The following KATNIP variants were observed in gnomAD, a reference collection of about 807,000 sequenced individuals.
The protein encoded by KATNIP is katanin-interacting protein.
Under a neutral mutation model 174.0 loss-of-function variants are expected in KATNIP, and 126 were observed. The ratio of observed to expected loss-of-function variants is 0.72; its 90% confidence interval spans 0.63 to 0.84. KATNIP has a LOEUF of 0.84. Among genes scored for constraint, KATNIP ranks in the 40% least tolerant of loss-of-function variants. KATNIP has a pLI of 0.00. For synonymous variants in KATNIP, 810 were observed against 835.7 expected (o/e 0.97, Z 0.53); for missense variants, 1,958 against 2,109.7 (o/e 0.93, Z 1.41).
At chr16:27,734,195 G>T (rs912916608) in intron 14 of KATNIP, among the ~76,000 whole-genome samples, 6 of 151,610 alleles carry the variant, frequency 4.0e-5, no homozygotes, top group African/African-American at 1.5e-4. Context: ...TAATTCTCCC[G>T]CCTCAGCCTC....
chr16:27,655,016 G>C (rs1026358316), intron 6 of KATNIP, among the ~76,000 whole-genome samples: 14 of 151,340 alleles, frequency 9.3e-5, no homozygotes, highest in Non-Finnish European at 2.1e-4. Context: ...GCAGTCCCAG[G>C]TACTTGAGAA....
rs543345414 is a variant in KATNIP, at chr16:27,564,813, T to C, written c.8-9088T>C. ...GGAGTTTCACTCTTCTTGCCCAAGT[T>C]GGAGTAATGGCGCAATCTCAGCTCA... On this transcript the variant is annotated intron_variant, in intron 1 of 27. Transcript: ENST00000261588. 3.3e-5 allele frequency among the ~76,000 whole-genome samples: 5 copies of C among 152,104 alleles called. No individual in the cohort carries two copies. The East Asian group carries it at 9.9e-4, about 30-fold the overall frequency.
chr16:27,628,791 G>C lies in KATNIP; in HGVS notation c.271G>C (p.Asp91His). The C allele has an allele frequency of 1.2e-6, 2 of 1,614,186 alleles. No homozygotes were observed. The change falls in exon 4 of 28, where the codon GAC becomes CAC. Residue 91 changes from aspartate (D) to histidine (H), a missense_variant. Coordinates refer to ENST00000261588, the MANE Select transcript of KATNIP (RefSeq NM_015202.5). ...KSSPRKAIHS[D>H]FSRSASHTEG... ...ATCACCGCGGAAAGCTATTCACTCT[G>C]ACTTCTCCAGAAGTGCCTCCCACAC...
chr16:27,645,714 G>C (rs1452511040), intron 5 of KATNIP, among the ~76,000 whole-genome samples: 1 of 152,204 alleles, frequency 6.6e-6, no homozygotes, highest in Non-Finnish European at 1.5e-5. Flanking sequence ...TGACTGCTGT[G>C]TTCCCAAACA....
intron 2 of KATNIP, among the ~76,000 whole-genome samples, chr16:27,618,095 C>T (rs2076091793): frequency 6.6e-6 from 1 of 152,078 alleles, no homozygotes; most frequent in African/African-American, 2.4e-5. Context: ...ATTGAGATAA[C>T]TAAATAGTGA....
chr16:27,701,518 C>A, intron 10 of KATNIP, 71 bp from the exon 11 acceptor site: 1 of 1,212,944 alleles, frequency 8.2e-7, no homozygotes, highest in Non-Finnish European at 1.2e-6. Flanking sequence ...TGCCCTTGAC[C>A]GTGACCCTGC....
chr16:27,608,157 G>C (rs1430618554), intron 2 of KATNIP, among the ~76,000 whole-genome samples: 1 of 151,752 alleles, frequency 6.6e-6, no homozygotes, highest in Non-Finnish European at 1.5e-5. Flanking sequence ...ACTGATTCTT[G>C]GCATTTCATT....
intron 14 of KATNIP, among the ~76,000 whole-genome samples, chr16:27,737,214 C>A (rs112113689): frequency 6.6e-6 from 1 of 150,982 alleles, no homozygotes; most frequent in Non-Finnish European, 1.5e-5. Flanking sequence ...CCCGTCTCTA[C>A]AAAAAAAAAT....
At chr16:27,651,189 C>T (rs2077110307) in intron 6 of KATNIP, among the ~76,000 whole-genome samples, 1 of 152,210 alleles carries the variant, frequency 6.6e-6, no homozygotes, top group South Asian at 2.1e-4. Context: ...GTCCCATTAG[C>T]ATCCTTTTGT....
At chr16:27,571,055 C>T (rs1479950329) in intron 1 of KATNIP, among the ~76,000 whole-genome samples, 1 of 152,124 alleles carries the variant, frequency 6.6e-6, no homozygotes, top group East Asian at 1.9e-4. Flanking sequence ...TGTTTTGAGA[C>T]AGAGTCTCAC....
At chr16:27,592,495 G>A (rs1269127415) in intron 2 of KATNIP, among the ~76,000 whole-genome samples, 2 of 151,962 alleles carry the variant, frequency 1.3e-5, no homozygotes, top group Non-Finnish European at 1.5e-5. Flanking sequence ...GTACGCACCT[G>A]TAGTCCCAGC....
intron 11 of KATNIP, among the ~76,000 whole-genome samples, chr16:27,703,035 C>T (rs912025580): frequency 8.6e-5 from 13 of 151,974 alleles, no homozygotes; most frequent in African/African-American, 2.7e-4. Context: ...GGCATGGTGG[C>T]GAGCCCCTGT....
rs537135634 is a variant in KATNIP, at chr16:27,768,122, G to A, written c.3975+1648G>A. Among the ~76,000 whole-genome samples the A allele has an allele frequency of 2.0e-5, 3 of 152,244 alleles. No homozygotes were observed. In the East Asian group the frequency reaches 5.8e-4, roughly 29 times the overall value. On this transcript the variant is annotated intron_variant, in intron 20 of 27. Coordinates refer to ENST00000261588, the MANE Select transcript of KATNIP (RefSeq NM_015202.5). ...GGGAATGGGCACGTGGCCTGAGATG[G>A]GAGACCCCCACTGCAGTGAAATGGG...
At chr16:27,608,961 G>A (rs1045482011) in intron 2 of KATNIP, among the ~76,000 whole-genome samples, 3 of 152,048 alleles carry the variant, frequency 2.0e-5, no homozygotes, top group South Asian at 4.2e-4. Context: ...AGGTGACTGG[G>A]GTCCAGCTTT....
chr16:27,672,188 C>A (rs2077938036), intron 6 of KATNIP, among the ~76,000 whole-genome samples: 1 of 152,192 alleles, frequency 6.6e-6, no homozygotes, highest in Admixed American at 6.5e-5. Flanking sequence ...AAAGCCCTGT[C>A]CCCCGTGACT....
chr16:27,558,747 T>G (rs2089731481), intron 1 of KATNIP, among the ~76,000 whole-genome samples: 1 of 152,222 alleles, frequency 6.6e-6, no homozygotes, highest in Admixed American at 6.5e-5. Flanking sequence ...ATATTTACTA[T>G]CTGGGCCTGT....
At chr16:27,760,084 A>C (rs2081894784) in intron 18 of KATNIP, among the ~76,000 whole-genome samples, 1 of 152,190 alleles carries the variant, frequency 6.6e-6, no homozygotes, top group African/African-American at 2.4e-5. Flanking sequence ...CAGGTGACCC[A>C]GCCCCTCTTC....
chr16:27,704,992 C>T (rs952703681), intron 12 of KATNIP, among the ~76,000 whole-genome samples: 1 of 150,414 alleles, frequency 6.6e-6, no homozygotes, highest in Non-Finnish European at 1.5e-5. Flanking sequence ...CTCATGGCAA[C>T]CTCTGCCTCC....
At chr16:27,585,284 A>T (rs531369545) in intron 2 of KATNIP, among the ~76,000 whole-genome samples, 1,832 of 152,320 alleles carry the variant, frequency 0.012, 50 homozygotes, top group African/African-American at 0.041. Context: ...GCAAAAACAA[A>T]TACTGGCGAG....
Sources: allele counts gnomAD v4.1 joint callset (sites outside exome capture counted in the v4.1 genomes callset), GRCh38; gene constraint gnomAD v4.1.1; transcripts MANE v1.5; gene names NCBI Gene and HGNC (gene_info 2026-07-23, HGNC 2026-07-21).